Variants in USP34 observed in about 807,000 individuals in gnomAD.
USP34 encodes ubiquitin specific peptidase 34.
Under a neutral mutation model 460.3 loss-of-function variants are expected in USP34, and 70 were observed. The observed-to-expected ratio is 0.15, with a 90% CI of 0.13 to 0.19. The LOEUF (loss-of-function observed/expected upper bound fraction) is 0.19. USP34 is among the 10% of genes least tolerant of loss of function. The pLI is 1.00. For missense variants in USP34, 3,985 were observed against 4,236.2 expected (o/e 0.94, Z 1.65); for synonymous variants, 1,647 against 1,405.3 (o/e 1.17, Z -3.85).
intron 1 of USP34, among the ~76,000 whole-genome samples, chr2:61,439,513 T>A (rs1056086504): frequency 5.9e-5 from 9 of 152,198 alleles, no homozygotes; most frequent in Admixed American, 5.9e-4. Flanking sequence ...GAAGGCCCAG[T>A]GCCCAGCACC....
chr2:61,466,083 GAGAT>G (rs1243227612), intron 1 of USP34, among the ~76,000 whole-genome samples: 6 of 152,080 alleles, frequency 3.9e-5, no homozygotes, highest in African/African-American at 1.4e-4. Flanking sequence ...AAATTACAGT[GAGAT>G]AGAAGGAATA....
intron 27 of USP34, among the ~76,000 whole-genome samples, chr2:61,311,030 G>A (rs1690576272): frequency 6.6e-6 from 1 of 152,112 alleles, no homozygotes; most frequent in Admixed American, 6.6e-5. Flanking sequence ...ACTAAAGGGA[G>A]GGGAGGGTGA....
intron 75 of USP34, among the ~76,000 whole-genome samples, chr2:61,199,822 G>A (rs1324487282): frequency 6.6e-6 from 1 of 151,900 alleles, no homozygotes; most frequent in African/African-American, 2.4e-5. Context: ...GTGAAATAAG[G>A]GAGAAAAACA....
chr2:61,197,287 A>C (rs1045263612), intron 75 of USP34, among the ~76,000 whole-genome samples: 3 of 152,004 alleles, frequency 2.0e-5, no homozygotes, highest in Non-Finnish European at 4.4e-5. Context: ...ACAACAATTA[A>C]AGAAGGAAAT....
rs1687132608 is a variant in USP34 at position 61,206,778 on chromosome 2, G to A, written c.9028C>T (p.Pro3010Ser). 6.2e-7 allele frequency: 1 copy of A among 1,613,528 alleles called. No homozygotes were observed. Among genetic ancestry groups the A allele is most frequent in the Non-Finnish European group, 8.5e-7 (1 of 1,179,762 alleles). The change falls in exon 71 of 80, where the codon CCT becomes TCT. Residue 3010 changes from proline (P) to serine (S), a missense_variant. Pro to Ser is a moderately conservative substitution (Grantham distance 74). Transcript: ENST00000398571. ...IFLSVLKSTR[P>S]YLQRKDVKQA... is the part of the protein sequence containing the mutation. ...AGCAAACCTTTTCTCTGAAGATAAG[G>A]GCGTGTAGACTTCAAAACCGAAAGA... is the stretch of plus-strand genomic sequence containing the variant.
Position 61,236,363 on chromosome 2 carries a change from A to C in USP34, c.6804T>G (p.Phe2268Leu), listed in dbSNP as rs762559471. Residue 2268 changes from phenylalanine (F) to leucine (L), a missense_variant, in exon 54 of 80, where the codon TTT becomes TTG. This residue lies in a region of USP34 where 604 missense variants were observed against 684.8 expected (regional missense o/e 0.88). Transcript: ENST00000398571. ...GTTCAAAAATGTTTTTGTCTTGAAG[A>C]AACTGCATGTTATCATGCCAAATCC... ...LEWIWHDNMQ[F>L]LQDKNIFEHT... 1.2e-6 allele frequency: 2 copies of C among 1,604,800 alleles called. No homozygotes were observed. Among genetic ancestry groups the C allele is most frequent in the Non-Finnish European group, 1.7e-6 (2 of 1,176,294 alleles).
At chr2:61,380,894 C>T (rs1401208374) in intron 6 of USP34, among the ~76,000 whole-genome samples, 1 of 152,190 alleles carries the variant, frequency 6.6e-6, no homozygotes, top group African/African-American at 2.4e-5. Flanking sequence ...ATATGAGATT[C>T]CCGCTCACCC....
chr2:61,346,806 TG>T (rs1233423559), intron 15 of USP34, among the ~76,000 whole-genome samples: 5 of 109,566 alleles, frequency 4.6e-5, no homozygotes, highest in Non-Finnish European at 8.4e-5. Context: ...CACTCCAGCC[TG>T]GGTGACAGAG....
At chr2:61,341,416 A>C (rs2103758280) in intron 16 of USP34, among the ~76,000 whole-genome samples, 1 of 152,280 alleles carries the variant, frequency 6.6e-6, no homozygotes, top group South Asian at 2.1e-4. Flanking sequence ...CTCATGTTGA[A>C]ATGTGACCTC....
intron 48 of USP34, among the ~76,000 whole-genome samples, chr2:61,251,150 T>A (rs967899068): frequency 6.6e-6 from 1 of 151,822 alleles, no homozygotes; most frequent in South Asian, 2.1e-4. Context: ...AAAAAATAAA[T>A]AAATAAATAA....
At chr2:61,444,491 C>A (rs1468213671) in intron 1 of USP34, among the ~76,000 whole-genome samples, 2 of 152,054 alleles carry the variant, frequency 1.3e-5, no homozygotes, top group African/African-American at 4.8e-5. Flanking sequence ...CAGACTGAGG[C>A]AGTGACTACA....
chr2:61,406,061 T>C lies in USP34; in HGVS notation c.199A>G (p.Ile67Val). ...TGAACTTGGGCAATCACTAAGTTAA[T>C]AAGTGCACACACTACTTGATTAAAA... ...EIFNQVVCAL[I>V]NLVIAQVQVL... is the part of the protein sequence containing the mutation. The change falls in exon 3 of 80, where the codon ATT becomes GTT. Residue 67 changes from isoleucine (I) to valine (V), a missense_variant. This residue lies in a region of USP34 where 331 missense variants were observed against 293.7 expected (regional missense o/e 1.13). Coordinates refer to ENST00000398571, the MANE Select transcript of USP34 (RefSeq NM_014709.4). 1.2e-6 allele frequency: 2 copies of C among 1,613,872 alleles called. No individual in the cohort carries two copies. Among genetic ancestry groups the C allele is most frequent in the Non-Finnish European group, 1.7e-6 (2 of 1,179,952 alleles).
At chr2:61,436,647 A>G (rs1180306825) in intron 1 of USP34, among the ~76,000 whole-genome samples, 1 of 152,196 alleles carries the variant, frequency 6.6e-6, no homozygotes, top group East Asian at 1.9e-4. Context: ...ACAGAATATA[A>G]CAAAGAAACA....
chr2:61,302,306 G>A (rs530728225), intron 27 of USP34, among the ~76,000 whole-genome samples: 4 of 152,246 alleles, frequency 2.6e-5, no homozygotes, highest in South Asian at 4.1e-4. Flanking sequence ...TTTTCATAAT[G>A]ACACATAACA....
chr2:61,290,954 G>C (rs1046643473), intron 33 of USP34, among the ~76,000 whole-genome samples: 9 of 152,088 alleles, frequency 5.9e-5, no homozygotes, highest in Admixed American at 2.6e-4. Context: ...GGAAAACAGA[G>C]ACACTAGACT....
chr2:61,241,921 T>A, intron 51 of USP34, 102 bp from the exon 52 acceptor site: 1 of 638,918 alleles, frequency 1.6e-6, no homozygotes, highest in Non-Finnish European at 2.5e-6. Flanking sequence ...TACTTAATAG[T>A]AACTTTGTAA....
intron 65 of USP34, among the ~76,000 whole-genome samples, chr2:61,222,228 T>C (rs550127992): frequency 2.0e-5 from 3 of 152,352 alleles, no homozygotes; most frequent in Admixed American, 6.5e-5. Context: ...AAAATAGCTA[T>C]AGCATTTCCA....
chr2:61,414,475 A>C (rs1450461092), intron 2 of USP34, among the ~76,000 whole-genome samples: 1 of 152,164 alleles, frequency 6.6e-6, no homozygotes, highest in African/African-American at 2.4e-5. Flanking sequence ...ATACACATTT[A>C]TCTCCCCTTG....
intron 51 of USP34, among the ~76,000 whole-genome samples, chr2:61,242,418 A>T (rs2103860133): frequency 6.7e-6 from 1 of 150,340 alleles, no homozygotes. Flanking sequence ...AGAAAAAGGT[A>T]AGAGTCAGAA....
Sources: allele counts gnomAD v4.1 joint callset (sites outside exome capture counted in the v4.1 genomes callset), GRCh38; gene constraint gnomAD v4.1.1; regional missense constraint gnomAD v4.1.1; transcripts MANE v1.5; gene names NCBI Gene and HGNC (gene_info 2026-07-23, HGNC 2026-07-21).